Variants in ITPR2 observed in about 807,000 individuals in gnomAD.
The protein encoded by ITPR2 is inositol 1,4,5-trisphosphate receptor type 2.
Under a neutral mutation model 317.1 loss-of-function variants are expected in ITPR2, and 207 were observed. That is an observed-to-expected ratio of 0.65 (90% confidence interval 0.58 to 0.73). The LOEUF (loss-of-function observed/expected upper bound fraction) is 0.73, where lower values mean the gene tolerates loss of function less well. Among genes scored for constraint, ITPR2 ranks in the 30% least tolerant of loss-of-function variants. ITPR2 has a pLI of 0.00. For synonymous variants in ITPR2, 1,156 were observed against 1,149.1 expected, an observed-to-expected ratio of 1.01 and a Z score of -0.12; for missense variants, 2,613 against 3,284.0, an observed-to-expected ratio of 0.80 and a Z score of 4.99.
intron 51 of ITPR2, among the ~76,000 whole-genome samples, 154 bp downstream of exon 51, chr12:26,415,149 C>T (rs1940681035): frequency 1.3e-5 from 2 of 152,000 alleles, no homozygotes; most frequent in Non-Finnish European, 2.9e-5. Context: ...AAGAGTACTT[C>T]ACATTCCTGA....
chr12:26,690,421 C>T (rs886728168), intron 10 of ITPR2, among the ~76,000 whole-genome samples: 2 of 152,142 alleles, frequency 1.3e-5, no homozygotes, highest in Non-Finnish European at 2.9e-5. Flanking sequence ...ATCTAATTTC[C>T]TGAGTCTCCT....
In ITPR2 at chr12:26,475,343, C is replaced by T. The variant is rs201462409; in HGVS notation, c.6295G>A (p.Val2099Ile). 5.8e-5 allele frequency: 94 copies of T among 1,613,416 alleles called. 1 individual carries two copies. In the Middle Eastern group the frequency reaches 1.6e-3, roughly 28 times the overall value. Residue 2099 changes from valine to isoleucine, a missense_variant, in exon 45 of 57, where the codon GTT (valine) becomes ATT (isoleucine). Coordinates refer to ENST00000381340, the MANE Select transcript of ITPR2 (RefSeq NM_002223.4). ...HGDDEGGDDG[V>I]SPKDVGHNIY... ...TTGTGTCCAACATCTTTTGGAGAAA[C>T]ACCATCATCTCCACCCTCATCATCC... is the stretch of plus-strand genomic sequence containing the variant.
At chr12:26,515,448 A>ATT (rs1285503254) in intron 37 of ITPR2, among the ~76,000 whole-genome samples, 70 of 152,156 alleles carry the variant, frequency 4.6e-4, no homozygotes, top group Non-Finnish European at 9.0e-4. Context: ...CTTAAGGCCC[A>ATT]CACTGACTTC....
At chr12:26,356,645 T>A (rs999174145) in intron 55 of ITPR2, among the ~76,000 whole-genome samples, 1 of 152,238 alleles carries the variant, frequency 6.6e-6, no homozygotes, top group Non-Finnish European at 1.5e-5. Context: ...TTTGTGCAAT[T>A]TCATGAATAA....
intron 1 of ITPR2, among the ~76,000 whole-genome samples, chr12:26,829,052 G>C (rs940925004): frequency 1.3e-5 from 2 of 152,128 alleles, no homozygotes; most frequent in African/African-American, 4.8e-5. Flanking sequence ...TGAACAGCAT[G>C]GTTTCTTTAG....
intron 1 of ITPR2, among the ~76,000 whole-genome samples, chr12:26,830,119 G>A (rs1037989243): frequency 4.6e-5 from 7 of 152,216 alleles, no homozygotes; most frequent in Non-Finnish European, 8.8e-5. Flanking sequence ...GGCCAGGCTG[G>A]TCTCAAACTG....
intron 48 of ITPR2, among the ~76,000 whole-genome samples, chr12:26,434,205 G>C (rs1051831753): frequency 1.3e-5 from 2 of 151,982 alleles, no homozygotes; most frequent in Non-Finnish European, 2.9e-5. Flanking sequence ...CATATTTTTG[G>C]ACTCTAATTA....
chr12:26,511,197 T>C (rs1943337861), intron 37 of ITPR2, among the ~76,000 whole-genome samples: 1 of 152,212 alleles, frequency 6.6e-6, no homozygotes, highest in African/African-American at 2.4e-5. Context: ...TATCATCCCA[T>C]CAGTGGAACA....
intron 26 of ITPR2, among the ~76,000 whole-genome samples, chr12:26,603,707 G>A (rs974705276): frequency 2.0e-5 from 3 of 152,162 alleles, no homozygotes; most frequent in African/African-American, 7.2e-5. Flanking sequence ...GGTCTAGAAC[G>A]ATGAAAACTG....
At chr12:26,653,246 T>C (rs908575075) in intron 21 of ITPR2, among the ~76,000 whole-genome samples, 1 of 144,346 alleles carries the variant, frequency 6.9e-6, no homozygotes, top group East Asian at 2.0e-4. Context: ...TCTTTCTTTT[T>C]TTTTTTTTTT....
Position 26,831,382 on chromosome 12 carries a change from GGCAGCAGTCCGTTATAAC to G in ITPR2, c.92+1290_92+1307del. On this transcript the variant is annotated intron_variant, in intron 1 of 56. Transcript: ENST00000381340. This position sits in a 1 kb window ranked among gnomAD's most constrained non-coding sequence, Gnocchi z 4.9. ...GACTTCCACGTCCCAGTGCTTGGTA[GGCAGCAGTCCGTTATAAC>G]ACAGCTCGAAGTCACTGTCCCGGGT... 6.6e-6 allele frequency among the ~76,000 whole-genome samples: 1 copy of G among 152,300 alleles called. No homozygotes were observed. The highest frequency in any genetic ancestry group is 1.9e-4 in the East Asian group (1 of 5,186).
rs370601844 is a variant in ITPR2 at position 26,631,973 on chromosome 12, C to T, written c.2827G>A (p.Val943Met). The T allele has an allele frequency of 7.9e-5, 128 of 1,613,620 alleles. No individual in the cohort carries two copies. Among genetic ancestry groups the T allele is most frequent in the African/African-American group, 1.7e-4 (13 of 74,980 alleles). Residue 943 changes from valine (V) to methionine (M), a missense_variant, in exon 22 of 57, where the codon GTG becomes ATG. Val to Met is a conservative substitution (Grantham distance 21). Transcript: ENST00000381340. The part of the protein sequence containing the change: ...LSRGSIFPMS[V>M]PDVPPSIHPS... ...TGGATGCTGGGTGGCACATCCGGCA[C>T]GCTCATGGGGAAGATGGAGCCTCTA...
rs189997485 is a variant in ITPR2 at position 26,412,991 on chromosome 12, C to T, written c.7307-1579G>A. On this transcript the variant is annotated intron_variant, in intron 51 of 56. Transcript: ENST00000381340. ...GGTGGGGAAGCCACATAGGTGGCTCCAGCAGAATTCTGGGTGAGTGGAAAT... is the reference window on the plus strand; with the variant it reads ...GGTGGGGAAGCCACATAGGTGGCTCTAGCAGAATTCTGGGTGAGTGGAAAT... Among the ~76,000 whole-genome samples the T allele has an allele frequency of 3.9e-5, 6 of 152,222 alleles. No homozygotes were observed. In the East Asian group the frequency reaches 1.2e-3, roughly 29 times the overall value.
chr12:26,722,606 T>C, intron 4 of ITPR2, 51 bp from the exon 5 acceptor site: 1 of 1,351,466 alleles, frequency 7.4e-7, no homozygotes, highest in Non-Finnish European at 1.0e-6. Flanking sequence ...TCTCCTCTGT[T>C]AATTACATTC....
intron 20 of ITPR2, 28 bp from the exon 21 acceptor site, chr12:26,654,154 G>C: frequency 6.6e-7 from 1 of 1,522,252 alleles, no homozygotes; most frequent in Non-Finnish European, 8.7e-7. Flanking sequence ...AGCGGGGAGG[G>C]GGAGGGTGAA....
At chr12:26,523,536 T>A (rs11048564) in intron 37 of ITPR2, among the ~76,000 whole-genome samples, 94,987 of 150,762 alleles carry the variant, frequency 0.63, 32,614 homozygotes, top group Non-Finnish European at 0.8. Context: ...TTTTTTTTTT[T>A]AAAAAGCCTA....
intron 47 of ITPR2, among the ~76,000 whole-genome samples, chr12:26,437,310 A>T (rs1460739054): frequency 6.6e-6 from 1 of 152,204 alleles, no homozygotes; most frequent in Non-Finnish European, 1.5e-5. Context: ...AACTTTGTAG[A>T]TATATCCTGT....
chr12:26,832,741 A>G lies in ITPR2; in HGVS notation c.41T>C (p.Ile14Thr), dbSNP rs1421561422. 10 of 1,601,986 alleles carry G rather than the reference A, an allele frequency of 6.2e-6. No homozygotes were observed. Among genetic ancestry groups the G allele is most frequent in the Non-Finnish European group, 8.5e-6 (10 of 1,174,996 alleles). ...KMSSFLYIGD[I>T]VSLYAEGSVN... ...CGAGCCCTCCGCGTACAGGGACACG[A>G]TGTCCCCTATGTAGAGGAAGCTGGA... The change falls in exon 1 of 57, where the codon ATC becomes ACC. Residue 14 changes from isoleucine to threonine, a missense_variant. By Grantham distance (89) the Ile-to-Thr change is moderately conservative. This residue lies in a region of ITPR2 where 515 missense variants were observed against 789.4 expected (regional missense o/e 0.65). Transcript: ENST00000381340.
At chr12:26,464,988 G>A (rs1349625136) in intron 45 of ITPR2, among the ~76,000 whole-genome samples, 1 of 152,218 alleles carries the variant, frequency 6.6e-6, no homozygotes, top group African/African-American at 2.4e-5. Flanking sequence ...CAAGCAGTTG[G>A]AGGAACAAGC....
Sources: allele counts gnomAD v4.1 joint callset (sites outside exome capture counted in the v4.1 genomes callset), GRCh38; gene constraint gnomAD v4.1.1; regional missense constraint gnomAD v4.1.1; non-coding constraint Gnocchi (gnomAD v3.1); transcripts MANE v1.5; gene names NCBI Gene and HGNC (gene_info 2026-07-23, HGNC 2026-07-21).